Variants in HELZ2 observed in about 807,000 individuals in gnomAD.
HELZ2 encodes 3'-5' exoribonuclease HELZ2.
HELZ2 carries 143 observed loss-of-function variants against 208.8 expected under a neutral mutation model. The ratio of observed to expected loss-of-function variants is 0.68; its 90% CI spans 0.60 to 0.79. HELZ2 has a LOEUF of 0.79. Among genes scored for constraint, HELZ2 ranks in the 30% least tolerant of loss-of-function variants. The probability of loss-of-function intolerance (pLI) is 0.00; values close to 1 mark genes in which losing one functional copy is unlikely to be tolerated. For synonymous variants in HELZ2, 1,705 were observed against 1,693.7 expected, an observed-to-expected ratio of 1.01 and a Z score of -0.16; for missense variants, 3,690 against 3,794.5, an observed-to-expected ratio of 0.97 and a Z score of 0.72.
In HELZ2 at chr20:63,566,373, C is replaced by T. The variant is rs2082957275; in HGVS notation, c.2590+5G>A. ...TGGCAGCACCTGGCCCCGCTGGTCA[C>T]CCACCTGGCAGGATCTCAAAACTGC... On this transcript the variant is annotated splice_donor_5th_base_variant and intron_variant, in intron 7 of 18. Coordinates refer to ENST00000467148, the Ensembl canonical transcript of HELZ2. 2 of 1,547,952 alleles carry T rather than the reference C, an allele frequency of 1.3e-6. No homozygotes were observed. Among genetic ancestry groups the T allele is most frequent in the Non-Finnish European group, 8.7e-7 (1 of 1,146,576 alleles).
chr20:63,564,448 G>C lies in HELZ2; in HGVS notation c.4374C>G (p.Tyr1458Ter). The change falls in exon 8 of 19, where the codon TAC becomes TAG. Residue 1458 changes from tyrosine (Y) to a stop codon, truncating the protein, a stop_gained. Transcript: ENST00000467148. LOFTEE classifies it high-confidence loss of function. ...GCCTGATCACCTCCTCCGCCTCCTCGTAGGACAGCTGGCGGTCAGACTGGA... is the reference window on the plus strand; with the variant it reads ...GCCTGATCACCTCCTCCGCCTCCTCCTAGGACAGCTGGCGGTCAGACTGGA... The C allele has an allele frequency of 6.4e-7, 1 of 1,566,838 alleles. No homozygotes were observed. Among genetic ancestry groups the C allele is most frequent in the Non-Finnish European group, 8.6e-7 (1 of 1,156,286 alleles).
Position 63,559,275 on chromosome 20 carries a change from C to T in HELZ2, c.7921G>A (p.Val2641Ile), listed in dbSNP as rs75568494. The T allele has an allele frequency of 3.1e-3, 4,877 of 1,583,708 alleles. 127 individuals are homozygous for T. The African/African-American group carries it at 0.055, about 18-fold the overall frequency. Reference sequence around the variant, plus strand: ...GAAGGCATAGTTGGCCTCCTGCAGACGCGCACCTGGCCGGCAGGCACGAGG... The same window carrying T: ...GAAGGCATAGTTGGCCTCCTGCAGATGCGCACCTGGCCGGCAGGCACGAGG... The change falls in exon 19 of 19, where the codon GTC becomes ATC. Residue 2641 changes from valine to isoleucine, a missense_variant. By Grantham distance (29) the Val-to-Ile change is conservative. Transcript: ENST00000467148.
exon 4 of HELZ2, chr20:63,569,225 G>C (rs1292429318): frequency 1.9e-6 from 3 of 1,559,616 alleles, no homozygotes; most frequent in East Asian, 2.3e-5. Context: ...TGGTTGGTGA[G>C]ATGGGGCCCG....
chr20:63,566,702 CCACCTCAGCCCTGGGAGG>C (rs2082963534), intron 6 of HELZ2, 124 bp downstream of exon 7: 6 of 854,970 alleles, frequency 7.0e-6, no homozygotes, highest in Non-Finnish European at 1.1e-5. Flanking sequence ...GGGCCGAGCC[CCACCTCAGCCCTGGGAGG>C]CAAATACTGC....
exon 8 of HELZ2, chr20:63,565,073 A>G (rs779533768): frequency 1.3e-6 from 2 of 1,563,032 alleles, no homozygotes; most frequent in Non-Finnish European, 1.7e-6. Flanking sequence ...CTCAAGCCCC[A>G]CACGCTGCAG....
rs757424491 is a variant in HELZ2 at position 63,563,685 on chromosome 20, G to A, written c.5137C>T (p.Gln1713Ter). The change falls in exon 8 of 19, where the codon CAG becomes TAG. Residue 1713 changes from glutamine (Q) to a stop codon, truncating the protein, a stop_gained. Transcript: ENST00000467148. LOFTEE classifies it high-confidence loss of function. ...TGATAGCTCTGGGCAAGTGCGTGCT[G>A]GAGGCTGAAGGCCTGGCAGAGCCCA... The A allele has an allele frequency of 7.6e-6, 12 of 1,578,618 alleles. No homozygotes were observed. The highest frequency in any genetic ancestry group is 1.0e-5 in the Non-Finnish European group (12 of 1,167,752).
chr20:63,565,096 G>A (rs1242412563), exon 8 of HELZ2: 1 of 1,564,238 alleles, frequency 6.4e-7, no homozygotes, highest in African/African-American at 1.4e-5. Flanking sequence ...GGCCCTTCCG[G>A]AGGCTGTAGA....
At chr20:63,572,610 G>T (rs2083026509), upstream of HELZ2, 1 of 534,706 alleles carries the variant, frequency 1.9e-6, no homozygotes, top group Non-Finnish European at 3.3e-6. Context: ...CAGATGCATG[G>T]GGGACAGCGC....
exon 8 of HELZ2, chr20:63,564,896 G>T: frequency 6.2e-7 from 1 of 1,612,336 alleles, no homozygotes; most frequent in Non-Finnish European, 8.5e-7. Flanking sequence ...GTCCGACGGG[G>T]GCACCCTCAA....
exon 8 of HELZ2, chr20:63,564,004 G>T (rs2082919205): frequency 6.2e-7 from 1 of 1,604,494 alleles, no homozygotes. Flanking sequence ...CAGCAAACTG[G>T]ACCTGCTTCC....
chr20:63,561,935 T>G (rs907051243), exon 11 of HELZ2: 1 of 1,602,096 alleles, frequency 6.2e-7, no homozygotes, highest in East Asian at 2.2e-5. Context: ...CCTGGTTTGA[T>G]TTATGAAACC....
At position 63,565,491 on chromosome 20, in the gene HELZ2, C is replaced by T. The variant is rs1423452170; in HGVS notation, c.3331G>A (p.Glu1111Lys). Residue 1111 changes from glutamate to lysine, a missense_variant, in exon 8 of 19, where the codon GAG (glutamate) becomes AAG (lysine). Around this residue, in one of 3 missense-constraint regions of HELZ2, gnomAD observed 2,564 missense variants for 2,580.5 expected, o/e 0.99. Transcript: ENST00000467148. ...CGTAGCGCAGCCGGGGGCAGGTTCT[C>T]GTACAGCCGGGCCTGCTGCAGGGAC... is the stretch of plus-strand genomic sequence containing the variant. 11 of 1,606,804 alleles carry T rather than the reference C, an allele frequency of 6.8e-6. No individual in the cohort carries two copies. The highest frequency in any genetic ancestry group is 9.3e-6 in the Non-Finnish European group (11 of 1,179,274).
intron 5 of HELZ2, 76 bp downstream of exon 6, chr20:63,568,281 CA>C (rs1454597137): frequency 1.1e-5 from 12 of 1,120,054 alleles, no homozygotes; most frequent in African/African-American, 1.5e-5. Context: ...GGAGCACATC[CA>C]GGGGGTGACC....
exon 5 of HELZ2, chr20:63,568,520 A>T (rs1209115219): frequency 6.3e-7 from 1 of 1,583,112 alleles, no homozygotes; most frequent in South Asian, 1.1e-5. Flanking sequence ...GATGAGCGCC[A>T]CGGCCAGCTC....
Position 63,565,436 on chromosome 20 carries a change from T to TA in HELZ2, c.3385dup (p.Tyr1129LeufsTer43). 1 of 1,610,338 alleles carries TA rather than the reference T, an allele frequency of 6.2e-7. No individual in the cohort carries two copies. Among genetic ancestry groups the TA allele is most frequent in the Non-Finnish European group, 8.5e-7 (1 of 1,179,618 alleles). ...CTCTGGCACGAAAGAGCAGTGGCGGTACCGCTCGGGCTCCGCGTGCAGCAG... is the reference window on the plus strand; with the variant it reads ...CTCTGGCACGAAAGAGCAGTGGCGGTAACCGCTCGGGCTCCGCGTGCAGCAG... On this transcript the variant is annotated frameshift_variant, in exon 8 of 19. Coordinates refer to ENST00000467148, the Ensembl canonical transcript of HELZ2. LOFTEE classifies it high-confidence loss of function.
intron 1 of HELZ2, 114 bp from the exon 3 acceptor site, chr20:63,570,982 C>T (rs1485747016): frequency 2.2e-5 from 18 of 800,816 alleles, no homozygotes; most frequent in South Asian, 1.6e-4. Flanking sequence ...GGGCTTTATT[C>T]GTCCCACCCA....
At chr20:63,566,812 G>A in intron 6 of HELZ2, 32 bp downstream of exon 7, 1 of 1,559,038 alleles carries the variant, frequency 6.4e-7, no homozygotes, top group South Asian at 1.2e-5. Context: ...CAGGGGTGCG[G>A]TCGGGGGCTG....
In HELZ2 at chr20:63,561,856, C is replaced by T. The variant is rs201138363; in HGVS notation, c.6658G>A (p.Gly2220Ser). The T allele has an allele frequency of 1.7e-5, 26 of 1,567,100 alleles. No homozygotes were observed. The East Asian group carries it at 4.0e-4, about 24-fold the overall frequency. The change falls in exon 11 of 19, where the codon GGC becomes AGC. Residue 2220 changes from glycine to serine, a missense_variant. Coordinates refer to ENST00000467148, the Ensembl canonical transcript of HELZ2. ...ACATCCACCGACTTGTTGGAGGGGC[C>T]GCAGTACAAGATGCAGGGACCCCCC...
At position 63,569,136 on chromosome 20, in the gene HELZ2, C is replaced by T. The variant is rs757231624; in HGVS notation, c.1088+12G>A. 2.0e-5 allele frequency: 31 copies of T among 1,564,986 alleles called. No homozygotes were observed. The South Asian group carries it at 3.4e-4, about 17-fold the overall frequency. On this transcript the variant is annotated intron_variant, in intron 4 of 18. Transcript: ENST00000467148. ...CCTGCTACCCCAGCTGCTCCTGTTGCCCCCAGCTCACTTGGCCACCAGCTG... is the reference window on the plus strand; with the variant it reads ...CCTGCTACCCCAGCTGCTCCTGTTGTCCCCAGCTCACTTGGCCACCAGCTG...
Sources: gnomAD v4.1 joint callset for allele counts on GRCh38, gnomAD v4.1.1 for gene constraint, gnomAD v4.1.1 regional missense constraint, MANE v1.5 for transcripts, NCBI Gene and HGNC (gene_info 2026-07-23, HGNC 2026-07-21) for gene names.